FGF12: variants seen among roughly 807,000 people sequenced by gnomAD.
FGF12 encodes fibroblast growth factor 12.
In FGF12, 14 loss-of-function variants were observed where a neutral mutation model predicts 23.6. The observed-to-expected ratio is 0.59, with a 90% CI of 0.39 to 0.93. The LOEUF is 0.93. Among genes scored for constraint, FGF12 ranks in the 40% least tolerant of loss-of-function variants. FGF12 has a pLI of 0.00. For synonymous variants in FGF12, 62 were observed against 77.3 expected, an observed-to-expected ratio of 0.80 and a Z score of 1.04; for missense variants, 175 against 217.8, an observed-to-expected ratio of 0.80 and a Z score of 1.24.
At chr3:192,634,882 C>T (rs1715522818) in intron 2 of FGF12, among the ~76,000 whole-genome samples, 1 of 151,964 alleles carries the variant, frequency 6.6e-6, no homozygotes, top group African/African-American at 2.4e-5. Flanking sequence ...TTTTTTGCAA[C>T]AGAGTCTCAC....
At chr3:192,701,030 T>A (rs1260830582) in intron 2 of FGF12, among the ~76,000 whole-genome samples, 1 of 152,174 alleles carries the variant, frequency 6.6e-6, no homozygotes, top group Non-Finnish European at 1.5e-5. Context: ...CAGGAGATAA[T>A]TCACTAAGAG....
At chr3:192,204,957 T>C (rs1415732447) in intron 4 of FGF12, among the ~76,000 whole-genome samples, 2 of 152,062 alleles carry the variant, frequency 1.3e-5, no homozygotes, top group East Asian at 1.9e-4. Flanking sequence ...TTGGAAGAAG[T>C]ATGCACAGCT....
chr3:192,587,842 C>G (rs904773929), intron 2 of FGF12, among the ~76,000 whole-genome samples: 9 of 151,804 alleles, frequency 5.9e-5, no homozygotes, highest in Admixed American at 5.9e-4. Flanking sequence ...CGTAATCTCT[C>G]TCAAATCTGA....
chr3:192,353,429 G>T (rs531613154), intron 3 of FGF12, among the ~76,000 whole-genome samples: 1 of 145,370 alleles, frequency 6.9e-6, no homozygotes, highest in East Asian at 2.1e-4. Flanking sequence ...GAGTGCAGTG[G>T]CACGATCCCA....
At chr3:192,366,023 G>T (rs997689405) in intron 2 of FGF12, among the ~76,000 whole-genome samples, 1 of 150,902 alleles carries the variant, frequency 6.6e-6, no homozygotes, top group Non-Finnish European at 1.5e-5. Flanking sequence ...ACTCTGGCTC[G>T]GAGAGACAGT....
At chr3:192,655,909 G>A (rs1716393234) in intron 2 of FGF12, among the ~76,000 whole-genome samples, 1 of 151,934 alleles carries the variant, frequency 6.6e-6, no homozygotes, top group Non-Finnish European at 1.5e-5. Flanking sequence ...TAGAGCGAAA[G>A]GTCAGTGAAG....
At chr3:192,608,111 A>G (rs1227498142) in intron 2 of FGF12, among the ~76,000 whole-genome samples, 1 of 152,110 alleles carries the variant, frequency 6.6e-6, no homozygotes, top group Non-Finnish European at 1.5e-5. Context: ...CGAACCTCAT[A>G]GAGATAGAAG....
intron 4 of FGF12, among the ~76,000 whole-genome samples, chr3:192,194,639 G>T (rs1443546685): frequency 1.3e-5 from 2 of 152,066 alleles, no homozygotes; most frequent in African/African-American, 4.8e-5. Context: ...CATATGGATG[G>T]ATTCAGAGTG....
At chr3:192,650,890 A>G (rs1716191501) in intron 2 of FGF12, among the ~76,000 whole-genome samples, 1 of 152,212 alleles carries the variant, frequency 6.6e-6, no homozygotes, top group South Asian at 2.1e-4. Context: ...AATATGAATA[A>G]CATGAATATA....
chr3:192,723,589 G>T (rs1275541009), intron 2 of FGF12, among the ~76,000 whole-genome samples: 4 of 152,040 alleles, frequency 2.6e-5, no homozygotes, highest in Non-Finnish European at 4.4e-5. Flanking sequence ...GCTGGTCTGT[G>T]GACCACCAGC....
In FGF12 at chr3:192,170,552, C is replaced by T; in HGVS notation, c.333G>A (p.Trp111Ter). 6.2e-7 allele frequency: 1 copy of T among 1,613,880 alleles called. No homozygotes were observed. The highest frequency in any genetic ancestry group is 8.5e-7 in the Non-Finnish European group (1 of 1,179,984). ...LYRQQESGRA[W>*]FLGLNKEGQI... ...GACCTTCTTTATTGAGTCCCAGAAA[C>T]CAAGCTCGGCCTGATTCTTGCTGGC... The change falls in exon 5 of 6, where the codon TGG becomes TGA. Residue 111 changes from tryptophan (W) to a stop codon, truncating the protein, a stop_gained. Coordinates refer to ENST00000445105, the MANE Select transcript of FGF12 (RefSeq NM_004113.6). LOFTEE classifies it high-confidence loss of function.
intron 2 of FGF12, among the ~76,000 whole-genome samples, chr3:192,481,753 C>T (rs186662619): frequency 4.6e-5 from 7 of 152,174 alleles, no homozygotes; most frequent in Admixed American, 2.0e-4. Flanking sequence ...CCCTGAAGTT[C>T]GGTCTACGTC....
rs1281994844 is a variant in FGF12 at position 192,142,016 on chromosome 3, T to G, written c.*1993A>C. ...AAGAAGAAATACAGCTAGAGTTATA[T>G]TTTTGCCCCAGGGGTATTCTTTTCC... On this transcript the variant is annotated 3_prime_UTR_variant, in exon 6 of 6. Transcript: ENST00000445105. 1 of 152,402 alleles carries G rather than the reference T, an allele frequency of 6.6e-6. No individual in the cohort carries two copies. The highest frequency in any genetic ancestry group is 2.4e-5 in the African/African-American group (1 of 41,424). 9.4% of individuals were successfully genotyped at this position (152,402 alleles called of 1,614,324 possible).
chr3:192,604,359 G>T (rs1714248606), intron 2 of FGF12, among the ~76,000 whole-genome samples: 1 of 152,124 alleles, frequency 6.6e-6, no homozygotes, highest in African/African-American at 2.4e-5. Flanking sequence ...GTAAAGATAG[G>T]CATAAGAAAT....
intron 5 of FGF12, among the ~76,000 whole-genome samples, chr3:192,163,686 A>G (rs1379739487): frequency 1.3e-5 from 2 of 152,140 alleles, no homozygotes; most frequent in Non-Finnish European, 1.5e-5. Context: ...GTTAGCTTCT[A>G]GGAACACTAC....
intron 5 of FGF12, among the ~76,000 whole-genome samples, chr3:192,150,765 G>C (rs1195550912): frequency 1.4e-5 from 2 of 147,800 alleles, no homozygotes; most frequent in Non-Finnish European, 3.0e-5. Flanking sequence ...CTCCAGCTTT[G>C]CTCTTTTGGC....
At chr3:192,375,928 T>C (rs1719473102) in intron 2 of FGF12, among the ~76,000 whole-genome samples, 1 of 152,224 alleles carries the variant, frequency 6.6e-6, no homozygotes, top group Non-Finnish European at 1.5e-5. Flanking sequence ...CTTTTCTCTC[T>C]GACTTCTTTT....
intron 2 of FGF12, among the ~76,000 whole-genome samples, chr3:192,711,600 A>G (rs1718683403): frequency 6.6e-6 from 1 of 152,188 alleles, no homozygotes; most frequent in Non-Finnish European, 1.5e-5. Flanking sequence ...GTTCTGTACT[A>G]AGAAAAATTC....
intron 2 of FGF12, among the ~76,000 whole-genome samples, chr3:192,442,768 T>C (rs1309597587): frequency 6.6e-6 from 1 of 152,020 alleles, no homozygotes; most frequent in Non-Finnish European, 1.5e-5. Context: ...GAACCTGTTA[T>C]TGTTTTCAGA....
Sources: gnomAD v4.1 joint callset for allele counts (sites outside exome capture counted in the v4.1 genomes callset) on GRCh38, gnomAD v4.1.1 for gene constraint, MANE v1.5 for transcripts, NCBI Gene and HGNC (gene_info 2026-07-23, HGNC 2026-07-21) for gene names.